Variants in CLSTN2 observed in about 807,000 individuals in gnomAD.
CLSTN2 encodes the protein calsyntenin 2.
In CLSTN2, 48 loss-of-function variants were observed where a neutral mutation model predicts 101.2. That is an observed-to-expected ratio of 0.47 (90% confidence interval 0.38 to 0.60). The LOEUF (loss-of-function observed/expected upper bound fraction) is 0.60. CLSTN2 is among the 20% of genes least tolerant of loss of function. The probability of loss-of-function intolerance (pLI) is 0.00; values close to 1 mark genes in which losing one functional copy is unlikely to be tolerated. For synonymous variants in CLSTN2, 481 were observed against 463.6 expected (o/e 1.04, Z -0.48); for missense variants, 1,160 against 1,238.2 (o/e 0.94, Z 0.95).
chr3:139,996,399 G>T (rs2006659226), intron 1 of CLSTN2, among the ~76,000 whole-genome samples: 2 of 151,800 alleles, frequency 1.3e-5, no homozygotes, highest in African/African-American at 2.4e-5. Context: ...GTTGTTTTTT[G>T]TTTTTTTTGA....
At chr3:140,175,909 T>C (rs1176072333) in intron 1 of CLSTN2, 42 bp from the exon 2 acceptor site, 2 of 1,583,866 alleles carry the variant, frequency 1.3e-6, no homozygotes, top group Non-Finnish European at 1.7e-6. Context: ...GGTTTGTTAT[T>C]TAAATAATGA....
intron 2 of CLSTN2, among the ~76,000 whole-genome samples, chr3:140,369,158 T>C (rs931249449): frequency 6.6e-6 from 1 of 152,206 alleles, no homozygotes; most frequent in African/African-American, 2.4e-5. Context: ...TCTGGCTAGA[T>C]TGTTGCTGTT....
chr3:140,468,616 C>T (rs1291427746), intron 8 of CLSTN2, among the ~76,000 whole-genome samples: 1 of 152,232 alleles, frequency 6.6e-6, no homozygotes, highest in Non-Finnish European at 1.5e-5. Context: ...TCTGCTACAG[C>T]CCTTCCTGGT....
At chr3:140,369,795 T>C (rs2087830949) in intron 2 of CLSTN2, among the ~76,000 whole-genome samples, 1 of 152,166 alleles carries the variant, frequency 6.6e-6, no homozygotes, top group Non-Finnish European at 1.5e-5. Context: ...AAACCTCTAA[T>C]TGCAGACTGT....
intron 1 of CLSTN2, among the ~76,000 whole-genome samples, chr3:140,159,914 G>T (rs2010018555): frequency 6.6e-6 from 1 of 152,126 alleles, no homozygotes. Context: ...TGCAGGAATA[G>T]AAAATGAAAT....
At chr3:140,482,433 T>G (rs1353129865) in intron 8 of CLSTN2, among the ~76,000 whole-genome samples, 1 of 152,210 alleles carries the variant, frequency 6.6e-6, no homozygotes. Context: ...TGCCAGGCTT[T>G]GGTATCAGGA....
At chr3:140,244,124 C>A (rs1223130027) in intron 2 of CLSTN2, among the ~76,000 whole-genome samples, 6 of 152,184 alleles carry the variant, frequency 3.9e-5, no homozygotes, top group Admixed American at 6.5e-5. Context: ...TCAGTTGTGG[C>A]TAACAGGAGC....
At chr3:140,026,078 G>C (rs917574566) in intron 1 of CLSTN2, among the ~76,000 whole-genome samples, 3 of 152,116 alleles carry the variant, frequency 2.0e-5, no homozygotes, top group African/African-American at 7.2e-5. Context: ...ATCTCTCCTG[G>C]AGATTAAGCT....
chr3:140,161,498 C>G (rs2010046159), intron 1 of CLSTN2, among the ~76,000 whole-genome samples: 1 of 152,148 alleles, frequency 6.6e-6, no homozygotes, highest in East Asian at 1.9e-4. Context: ...GCTCTATTAC[C>G]TACACAGTAT....
At chr3:140,276,374 C>A (rs1391579200) in intron 2 of CLSTN2, among the ~76,000 whole-genome samples, 2 of 152,144 alleles carry the variant, frequency 1.3e-5, no homozygotes, top group Admixed American at 1.3e-4. Context: ...TCTTGGCTCA[C>A]CTTAGAGCCC....
chr3:140,085,678 T>G, intron 1 of CLSTN2, among the ~76,000 whole-genome samples: 1 of 152,184 alleles, frequency 6.6e-6, no homozygotes. Flanking sequence ...CCTGGCCTGC[T>G]CTACCTCCTC....
intron 1 of CLSTN2, among the ~76,000 whole-genome samples, chr3:140,061,272 A>G (rs906858121): frequency 2.6e-5 from 4 of 152,198 alleles, no homozygotes; most frequent in African/African-American, 9.7e-5. Flanking sequence ...GAATGGACAC[A>G]TTTCCTTTAT....
intron 1 of CLSTN2, among the ~76,000 whole-genome samples, chr3:140,085,577 A>G (rs2107783199): frequency 6.6e-6 from 1 of 152,254 alleles, no homozygotes. Context: ...CTATGGCTAG[A>G]GAGCTGACAC....
chr3:140,513,393 T>C (rs1934852761), intron 8 of CLSTN2, among the ~76,000 whole-genome samples: 1 of 152,166 alleles, frequency 6.6e-6, no homozygotes, highest in African/African-American at 2.4e-5. Flanking sequence ...TGGTTCTGTT[T>C]ATGTGATGAA....
At chr3:140,397,061 AT>A (rs1559858209) in intron 2 of CLSTN2, among the ~76,000 whole-genome samples, 1 of 152,236 alleles carries the variant, frequency 6.6e-6, no homozygotes, top group Non-Finnish European at 1.5e-5. Flanking sequence ...CACTTAAAAA[AT>A]AACAATAAAC....
Position 140,278,423 on chromosome 3 carries a change from C to T in CLSTN2, c.232+102350C>T, listed in dbSNP as rs373370431. On this transcript the variant is annotated intron_variant, in intron 2 of 16. Transcript: ENST00000458420. The stretch of plus-strand genomic sequence containing the variant: ...AGGCTTCCCCTTTGCCTGTGAAGCA[C>T]TTTCTCTCCTTTTCCCAGGCTCATG... Among the ~76,000 whole-genome samples the T allele has an allele frequency of 4.6e-5, 7 of 152,280 alleles. No homozygotes were observed. In the East Asian group the frequency reaches 1.4e-3, roughly 29 times the overall value.
At chr3:140,473,466 C>T (rs372462283) in intron 8 of CLSTN2, among the ~76,000 whole-genome samples, 68 of 151,964 alleles carry the variant, frequency 4.5e-4, no homozygotes, top group Admixed American at 1.1e-3. Context: ...TTCTTATGGG[C>T]GCAATATAAT....
intron 2 of CLSTN2, among the ~76,000 whole-genome samples, chr3:140,230,643 G>A (rs72988194): frequency 1.3e-5 from 2 of 152,122 alleles, no homozygotes; most frequent in Non-Finnish European, 2.9e-5. Flanking sequence ...CTAGCTCTCT[G>A]CAGACACAAA....
intron 1 of CLSTN2, among the ~76,000 whole-genome samples, chr3:140,036,897 A>G (rs80161953): frequency 0.018 from 2,700 of 152,276 alleles, 73 homozygotes; most frequent in African/African-American, 0.055. Flanking sequence ...ACTAAATGCT[A>G]GATGTAAAAA....
Sources: gnomAD v4.1 joint callset for allele counts (sites outside exome capture counted in the v4.1 genomes callset) on GRCh38, gnomAD v4.1.1 for gene constraint, MANE v1.5 for transcripts, NCBI Gene and HGNC (gene_info 2026-07-23, HGNC 2026-07-21) for gene names.